The following TNN variants were observed in gnomAD, a reference collection of about 807,000 sequenced individuals.
TNN encodes the protein tenascin N, also known as tenascin-N.
TNN carries 122 observed loss-of-function variants against 134.4 expected under a neutral mutation model. The ratio of observed to expected loss-of-function variants is 0.91; its 90% confidence interval spans 0.78 to 1.06. The LOEUF is 1.06. Among genes scored for constraint, TNN ranks in the 50% least tolerant of loss-of-function variants. The probability of loss-of-function intolerance (pLI) is 0.00; values close to 1 mark genes in which losing one functional copy is unlikely to be tolerated. For missense variants in TNN, 1,739 were observed against 1,699.4 expected (o/e 1.02, Z -0.41); for synonymous variants, 710 against 670.3 (o/e 1.06, Z -0.91).
chr1:175,103,195 G>A lies in TNN; in HGVS notation c.2119+4600G>A, dbSNP rs915414185. Among the ~76,000 whole-genome samples the A allele has an allele frequency of 1.9e-4, 28 of 146,576 alleles. 5 individuals are homozygous for A. The highest frequency in any genetic ancestry group is 3.4e-4 in the Admixed American group (5 of 14,664). On this transcript the variant is annotated intron_variant, in intron 9 of 18. Transcript: ENST00000239462. ...TGGCTGCCACAGGACCTAGAAAGGG[G>A]AGAAGCCATGTTGCCTAACTCCAGA... is the stretch of plus-strand genomic sequence containing the variant.
rs1020411312 is a variant in TNN, at chr1:175,079,227, A to G, written c.410-106A>G. ...AGACCCAGAAATCACCAGACCCTTA[A>G]GAGTGGGGCTAATGATTTCTGGGTC... On this transcript the variant is annotated intron_variant, in intron 2 of 18. Coordinates refer to ENST00000239462, the MANE Select transcript of TNN (RefSeq NM_022093.2). The G allele has an allele frequency of 1.6e-5, 22 of 1,348,958 alleles. No individual in the cohort carries two copies. In the African/African-American group the frequency reaches 2.6e-4, roughly 16 times the overall value. 83.6% of individuals were successfully genotyped at this position (1,348,958 alleles called of 1,614,324 possible). A position where few individuals can be genotyped will look rare whatever the true frequency, so the allele number is the denominator to read the frequency against.
At chr1:175,141,581 A>C (rs1336317354) in intron 17 of TNN, among the ~76,000 whole-genome samples, 1 of 152,238 alleles carries the variant, frequency 6.6e-6, no homozygotes, top group African/African-American at 2.4e-5. Flanking sequence ...CTGAAATAAA[A>C]GACATTCAAG....
At chr1:175,095,667 G>A (rs1202378771) in intron 7 of TNN, among the ~76,000 whole-genome samples, 6 of 152,160 alleles carry the variant, frequency 3.9e-5, no homozygotes, top group African/African-American at 1.4e-4. Context: ...TCCATCTCCC[G>A]GGTTCAAGCG....
chr1:175,100,411 C>G (rs1183438900), intron 9 of TNN, among the ~76,000 whole-genome samples: 1 of 152,170 alleles, frequency 6.6e-6, no homozygotes, highest in Non-Finnish European at 1.5e-5. Flanking sequence ...TTATTCAAGG[C>G]TTGGGCCTCA....
intron 17 of TNN, among the ~76,000 whole-genome samples, chr1:175,142,228 C>T (rs920240557): frequency 1.3e-5 from 2 of 152,166 alleles, no homozygotes; most frequent in Non-Finnish European, 2.9e-5. Flanking sequence ...GTGGAAGTGG[C>T]CTCCGTGGCC....
chr1:175,128,655 C>T lies in TNN; in HGVS notation c.3239C>T (p.Ala1080Val). ...CSQVQQNSNA[A>V]SGLYTIYLHG... Reference sequence around the variant, plus strand: ...CAGGTTCAGCAGAACAGCAATGCCGCCAGTGGTCTGTACACCATCTACCTG... The same window carrying T: ...CAGGTTCAGCAGAACAGCAATGCCGTCAGTGGTCTGTACACCATCTACCTG... The change falls in exon 15 of 19, where the codon GCC becomes GTC. Residue 1080 changes from alanine (A) to valine (V), a missense_variant. Transcript: ENST00000239462. 1 of 1,614,054 alleles carries T rather than the reference C, an allele frequency of 6.2e-7. No individual in the cohort carries two copies. Among genetic ancestry groups the T allele is most frequent in the East Asian group, 2.2e-5 (1 of 44,874 alleles).
chr1:175,121,018 A>G (rs1435961424), intron 11 of TNN, among the ~76,000 whole-genome samples: 1 of 152,144 alleles, frequency 6.6e-6, no homozygotes, highest in African/African-American at 2.4e-5. Flanking sequence ...CCTGGGCTCA[A>G]GTGATCCTCC....
At chr1:175,085,204 C>T (rs1175201372) in intron 5 of TNN, among the ~76,000 whole-genome samples, 1 of 152,224 alleles carries the variant, frequency 6.6e-6, no homozygotes. Context: ...ACTCCCATCC[C>T]CAGCCTATAA....
intron 2 of TNN, among the ~76,000 whole-genome samples, chr1:175,078,243 T>C (rs1292356805): frequency 6.6e-6 from 1 of 152,224 alleles, no homozygotes; most frequent in African/African-American, 2.4e-5. Context: ...GGTAAATCCC[T>C]TATGTTTCCT....
chr1:175,139,354 G>T (rs961342063), intron 17 of TNN, among the ~76,000 whole-genome samples: 1 of 151,166 alleles, frequency 6.6e-6, no homozygotes, highest in Non-Finnish European at 1.5e-5. Context: ...TATTCTGTAA[G>T]TTTTTTTTTC....
At chr1:175,092,534 A>C (rs1674477311) in intron 6 of TNN, among the ~76,000 whole-genome samples, 1 of 152,212 alleles carries the variant, frequency 6.6e-6, no homozygotes, top group South Asian at 2.1e-4. Flanking sequence ...CTTTCAGTTC[A>C]CACTTTACTT....
At chr1:175,130,146 G>C (rs1489986074) in intron 15 of TNN, among the ~76,000 whole-genome samples, 1 of 152,182 alleles carries the variant, frequency 6.6e-6, no homozygotes, top group Non-Finnish European at 1.5e-5. Flanking sequence ...CTCCAAGCCA[G>C]CATGCAGCCT....
At chr1:175,101,082 C>T (rs561588571) in intron 9 of TNN, among the ~76,000 whole-genome samples, 7 of 152,142 alleles carry the variant, frequency 4.6e-5, no homozygotes, top group South Asian at 2.1e-4. Context: ...ATCCTGTGTC[C>T]GGAATTGGTG....
chr1:175,118,759 C>T lies in TNN; in HGVS notation c.2585C>T (p.Thr862Met), dbSNP rs757458812. ...GGCCTGAGGCCGGGCATGGAGTACA[C>T]GGTGCACGTGTGGGCCCAGAAGGGG... ...LTGLRPGMEY[T>M]VHVWAQKGNQ... The change falls in exon 11 of 19, where the codon ACG becomes ATG. Residue 862 changes from threonine to methionine, a missense_variant. Physicochemically the swap from Thr to Met is moderately conservative, Grantham distance 81 (BLOSUM62 -1). Coordinates refer to ENST00000239462, the MANE Select transcript of TNN (RefSeq NM_022093.2). 8.7e-6 allele frequency: 14 copies of T among 1,614,018 alleles called. No homozygotes were observed. The East Asian group carries it at 1.1e-4, about 13-fold the overall frequency.
At chr1:175,143,188 T>A (rs1283346802) in intron 17 of TNN, among the ~76,000 whole-genome samples, 1 of 152,228 alleles carries the variant, frequency 6.6e-6, no homozygotes, top group Non-Finnish European at 1.5e-5. Context: ...CCCACGGGAC[T>A]AAGAGCTGCC....
chr1:175,085,349 T>C (rs1674297646), intron 5 of TNN, 56 bp from the exon 6 acceptor site: 3 of 1,094,218 alleles, frequency 2.7e-6, no homozygotes, highest in Admixed American at 1.8e-5. Flanking sequence ...GGAGTAGTGC[T>C]GGGGAGAGGG....
Position 175,147,195 on chromosome 1 carries a change from C to A in TNN, c.*124C>A. ...CCGCAGAACAAATCATGTCACCAAG[C>A]TTCAAGCCATGGAGGTTCCTTCCCT... On this transcript the variant is annotated 3_prime_UTR_variant, in exon 19 of 19. Transcript: ENST00000239462. 9.6e-7 allele frequency: 1 copy of A among 1,040,194 alleles called. No homozygotes were observed. Among genetic ancestry groups the A allele is most frequent in the Non-Finnish European group, 1.3e-6 (1 of 781,756 alleles). 64.4% of individuals were successfully genotyped at this position (1,040,194 alleles called of 1,614,324 possible). A position where few individuals can be genotyped will look rare whatever the true frequency, so the allele number is the denominator to read the frequency against.
chr1:175,128,669 A>G lies in TNN; in HGVS notation c.3253A>G (p.Thr1085Ala). The change falls in exon 15 of 19, where the codon ACC becomes GCC. Residue 1085 changes from threonine to alanine, a missense_variant. By Grantham distance (58) the Thr-to-Ala change is moderately conservative. Transcript: ENST00000239462. The part of the protein sequence containing the change: ...QNSNAASGLY[T>A]IYLHGDASRP... ...CAGCAATGCCGCCAGTGGTCTGTACACCATCTACCTGCATGGCGATGCCAG... is the reference window on the plus strand; with the variant it reads ...CAGCAATGCCGCCAGTGGTCTGTACGCCATCTACCTGCATGGCGATGCCAG... 1 of 1,613,986 alleles carries G rather than the reference A, an allele frequency of 6.2e-7. No individual in the cohort carries two copies.
chr1:175,125,461 TC>T (rs151154205), intron 12 of TNN, among the ~76,000 whole-genome samples: 1,531 of 152,256 alleles, frequency 0.01, 28 homozygotes, highest in African/African-American at 0.036. Context: ...ACCCACGCGT[TC>T]CCTCTAGTGT....
Sources: gnomAD v4.1 joint callset for allele counts (sites outside exome capture counted in the v4.1 genomes callset) on GRCh38, gnomAD v4.1.1 for gene constraint, MANE v1.5 for transcripts, NCBI Gene and HGNC (gene_info 2026-07-23, HGNC 2026-07-21) for gene names.